EPS15L1: variants seen among roughly 807,000 people sequenced by gnomAD.
The protein encoded by EPS15L1 is epidermal growth factor receptor pathway substrate 15 like 1, also known as epidermal growth factor receptor substrate 15-like 1.
A neutral mutation model predicts 117.1 loss-of-function variants in EPS15L1; 43 were observed. That is an observed-to-expected ratio of 0.37 (90% CI 0.29 to 0.47). The LOEUF (loss-of-function observed/expected upper bound fraction) is 0.47, where lower values mean the gene tolerates loss of function less well. Among genes scored for constraint, EPS15L1 ranks in the 20% least tolerant of loss-of-function variants. The pLI is 0.99. For missense variants in EPS15L1, 981 were observed against 1,164.0 expected, an observed-to-expected ratio of 0.84 and a Z score of 2.29; for synonymous variants, 459 against 470.5, an observed-to-expected ratio of 0.98 and a Z score of 0.32.
rs536411311 is a variant in EPS15L1, at chr19:16,411,875, T to G, written c.1266+1898A>C. On this transcript the variant is annotated intron_variant, in intron 13 of 23. Coordinates refer to ENST00000455140, the MANE Select transcript of EPS15L1 (RefSeq NM_001258374.3). Reference sequence around the variant, plus strand: ...CCACTACACCCGGCTTTTGCAAATATTTTTGTAGAAACAGGGTCCCACTGT... The same window carrying G: ...CCACTACACCCGGCTTTTGCAAATAGTTTTGTAGAAACAGGGTCCCACTGT... Among the ~76,000 whole-genome samples the G allele has an allele frequency of 5.3e-4, 80 of 152,256 alleles. 1 individual carries two copies. Among genetic ancestry groups the G allele is most frequent in the Non-Finnish European group, 9.1e-4 (62 of 68,008 alleles).
At chr19:16,385,034 T>C (rs1381827328) in intron 21 of EPS15L1, 95 bp downstream of exon 21, 8 of 954,740 alleles carry the variant, frequency 8.4e-6, no homozygotes, top group African/African-American at 6.4e-5. Flanking sequence ...GGGAGATACA[T>C]ACGTGACATG....
chr19:16,445,935 GC>G (rs1370190951), intron 1 of EPS15L1, among the ~76,000 whole-genome samples: 15 of 152,350 alleles, frequency 9.8e-5, no homozygotes, highest in Admixed American at 9.8e-4. Flanking sequence ...CTTCGCCTCT[GC>G]AGTGTGTGAA....
Position 16,368,932 on chromosome 19 carries a change from C to T in EPS15L1, c.2381-6948G>A, listed in dbSNP as rs547596636. On this transcript the variant is annotated intron_variant, in intron 22 of 23. Transcript: ENST00000455140. ...CAGTGGCCCGGGCGGGGCACCACTC[C>T]AGCAGAGCTCATCCAAGGCCACTGA... Among the ~76,000 whole-genome samples the T allele has an allele frequency of 3.6e-4, 55 of 152,354 alleles. No homozygotes were observed. In the South Asian group the frequency reaches 3.9e-3, roughly 11 times the overall value.
rs1468021130 is a variant in EPS15L1, at chr19:16,471,363, TCAGGCGAATTTGAGGA to T, written c.33+534_33+549del. ...TCGATACTGCCCCTTCATAAGCGCA[TCAGGCGAATTTGAGGA>T]CACAGAGAGGCGCCCGGAGACGTAC... On this transcript the variant is annotated intron_variant, in intron 1 of 23. Transcript: ENST00000455140. This position sits in a 1 kb window ranked among gnomAD's most constrained non-coding sequence, Gnocchi z 4.8. Among the ~76,000 whole-genome samples the T allele has an allele frequency of 1.3e-5, 2 of 152,214 alleles. No homozygotes were observed. Among genetic ancestry groups the T allele is most frequent in the Admixed American group, 1.3e-4 (2 of 15,284 alleles).
chr19:16,462,070 C>T (rs1272156574), intron 1 of EPS15L1, among the ~76,000 whole-genome samples: 1 of 152,182 alleles, frequency 6.6e-6, no homozygotes, highest in Admixed American at 6.5e-5. Flanking sequence ...AATCATAGGA[C>T]AAAATGGTGG....
chr19:16,363,330 G>T (rs1228541350), intron 22 of EPS15L1, among the ~76,000 whole-genome samples: 1 of 152,158 alleles, frequency 6.6e-6, no homozygotes, highest in Non-Finnish European at 1.5e-5. Context: ...TCCCTCCAGG[G>T]TTGACCTTGG....
chr19:16,375,925 G>C (rs2092289500), intron 22 of EPS15L1, among the ~76,000 whole-genome samples: 1 of 152,214 alleles, frequency 6.6e-6, no homozygotes, highest in African/African-American at 2.4e-5. Flanking sequence ...AGGTGGCCGA[G>C]GTGCAGGACC....
chr19:16,407,032 G>A (rs554842330), intron 13 of EPS15L1, among the ~76,000 whole-genome samples: 3 of 152,318 alleles, frequency 2.0e-5, no homozygotes, highest in East Asian at 1.9e-4. Flanking sequence ...CTCACCAGAC[G>A]CTGAATCTGC....
intron 9 of EPS15L1, among the ~76,000 whole-genome samples, chr19:16,424,397 C>A (rs1318975507): frequency 6.7e-6 from 1 of 148,446 alleles, no homozygotes; most frequent in Admixed American, 6.7e-5. Context: ...ACCAGAAGAT[C>A]ACTAGAGAGG....
chr19:16,410,133 C>CAAA (rs200662040), intron 13 of EPS15L1, among the ~76,000 whole-genome samples: 1,582 of 81,686 alleles, frequency 0.019, 29 homozygotes, highest in African/African-American at 0.069. Context: ...GACTCCGTCT[C>CAAA]AAAAAAAAAA....
chr19:16,462,787 G>A (rs1381858829), intron 1 of EPS15L1, among the ~76,000 whole-genome samples: 1 of 152,210 alleles, frequency 6.6e-6, no homozygotes, highest in African/African-American at 2.4e-5. Context: ...GTGGGGGCAG[G>A]ACACTGGTCC....
chr19:16,416,337 G>A (rs1472077136), intron 12 of EPS15L1, among the ~76,000 whole-genome samples: 3 of 151,892 alleles, frequency 2.0e-5, no homozygotes, highest in South Asian at 2.1e-4. Context: ...TCCTAGAATC[G>A]ACTGGAAAAA....
chr19:16,416,641 TA>T (rs765054072), intron 12 of EPS15L1, among the ~76,000 whole-genome samples: 4,331 of 128,296 alleles, frequency 0.034, 104 homozygotes, highest in Admixed American at 0.099. Context: ...TGTCTCAAAT[TA>T]AAAAAAAAAA....
At position 16,425,464 on chromosome 19, in the gene EPS15L1, C is replaced by A. The variant is rs1340695592; in HGVS notation, c.559-148G>T. The A allele has an allele frequency of 7.8e-6, 5 of 639,472 alleles. No individual in the cohort carries two copies. In the African/African-American group the frequency reaches 9.2e-5, roughly 12 times the overall value. The allele number at this position is 639,472 out of a possible 1,614,324, so 39.6% of individuals were successfully genotyped here. On this transcript the variant is annotated intron_variant, in intron 8 of 23. Transcript: ENST00000455140. ...CTGACCAGAGTGAAAAGAAATCATT[C>A]CTCATGAGTTATCTTTTATGTGTAA...
rs1470874679 is a variant in EPS15L1 at position 16,371,814 on chromosome 19, C to T, written c.2380+5308G>A. Among the ~76,000 whole-genome samples the T allele has an allele frequency of 6.6e-6, 1 of 152,184 alleles. No homozygotes were observed. The highest frequency in any genetic ancestry group is 1.5e-5 in the Non-Finnish European group (1 of 68,022). Reference sequence around the variant, plus strand: ...CAAATCAACAACTTTTACCTAGAAACTCTTCAGCGGTGAGCTCTGACTGAT... The same window carrying T: ...CAAATCAACAACTTTTACCTAGAAATTCTTCAGCGGTGAGCTCTGACTGAT... On this transcript the variant is annotated intron_variant, in intron 22 of 23. Coordinates refer to ENST00000455140, the MANE Select transcript of EPS15L1 (RefSeq NM_001258374.3). This position sits in a 1 kb window ranked among gnomAD's most constrained non-coding sequence, Gnocchi z 4.7.
At chr19:16,395,559 T>C in intron 16 of EPS15L1, 92 bp from the exon 17 acceptor site, 1 of 1,279,390 alleles carries the variant, frequency 7.8e-7, no homozygotes, top group Non-Finnish European at 1.1e-6. Context: ...ATTTCCACTT[T>C]GAGTAGCATG....
At chr19:16,374,866 C>T (rs529173397) in intron 22 of EPS15L1, among the ~76,000 whole-genome samples, 19 of 152,318 alleles carry the variant, frequency 1.2e-4, no homozygotes, top group Middle Eastern at 3.4e-3. Context: ...CACACACGCA[C>T]GCATATGTGT....
Position 16,440,854 on chromosome 19 carries a change from GTA to G in EPS15L1, c.213+6_213+7del. On this transcript the variant is annotated splice_donor_region_variant and intron_variant, in intron 4 of 23. Transcript: ENST00000455140. ...CCCTCCATTTGCTCTGTGTACATGT[GTA>G]TATACCTGTTTGTCCAAGAACCCTT... is the stretch of plus-strand genomic sequence containing the variant. 1.2e-6 allele frequency: 2 copies of G among 1,613,976 alleles called. No homozygotes were observed. The highest frequency in any genetic ancestry group is 1.7e-5 in the Admixed American group (1 of 60,024).
chr19:16,393,848 G>A, intron 18 of EPS15L1, 103 bp downstream of exon 18: 1 of 1,161,104 alleles, frequency 8.6e-7, no homozygotes, highest in Non-Finnish European at 1.3e-6. Flanking sequence ...CAGTTACATG[G>A]CTGCCATCCC....
Sources: allele counts gnomAD v4.1 joint callset (sites outside exome capture counted in the v4.1 genomes callset), GRCh38; gene constraint gnomAD v4.1.1; non-coding constraint Gnocchi (gnomAD v3.1); transcripts MANE v1.5; gene names NCBI Gene and HGNC (gene_info 2026-07-23, HGNC 2026-07-21).